UTY: variants seen among roughly 807,000 people sequenced by gnomAD.
The protein encoded by UTY is ubiquitously transcribed tetratricopeptide repeat containing, Y-linked, also known as histone demethylase UTY.
In UTY, 12 loss-of-function variants were observed where a neutral mutation model predicts 32.5. The ratio of observed to expected loss-of-function variants is 0.37; its 90% CI spans 0.24 to 0.60. The LOEUF is 0.60. Ranked by LOEUF, UTY falls within the 20% of genes least tolerant of loss-of-function variation. UTY has a pLI of 0.69. For synonymous variants in UTY, 131 were observed against 103.4 expected (o/e 1.27, Z -1.62); for missense variants, 303 against 299.2 (o/e 1.01, Z -0.09).
At chrY:13,454,302 T>C in intron 3 of UTY, among the ~76,000 whole-genome samples, 2 of 32,180 alleles carry the variant, frequency 6.2e-5, no homozygotes, top group African/African-American at 1.2e-4. Context: ...CTAATTTTCA[T>C]AGCATATTCC....
At chrY:13,304,236 T>C in intron 24 of UTY, 1 of 102,028 alleles carries the variant, frequency 9.8e-6, no homozygotes, top group African/African-American at 1.0e-4. Context: ...ATTTTTTGAA[T>C]TGCAAATAGT....
At chrY:13,308,999 T>C (rs956873702) in intron 21 of UTY, among the ~76,000 whole-genome samples, 6 of 33,199 alleles carry the variant, frequency 1.8e-4, no homozygotes. Context: ...TCTACAGATA[T>C]AAGCAGGCAG....
At chrY:13,305,958 A>G in intron 23 of UTY, 80 bp downstream of exon 23, 1 of 275,439 alleles carries the variant, frequency 3.6e-6, no homozygotes, top group Non-Finnish European at 5.5e-6. Context: ...GAAAAAAAAC[A>G]GTTCTCTAGA....
chrY:13,241,064 G>A, intron 28 of UTY, among the ~76,000 whole-genome samples: 1 of 32,123 alleles, frequency 3.1e-5, no homozygotes, highest in South Asian at 7.0e-4. Context: ...ACTTTGGGAA[G>A]CTGAAGTGAG....
intron 8 of UTY, among the ~76,000 whole-genome samples, chrY:13,373,472 A>G: frequency 3.0e-5 from 1 of 33,563 alleles, no homozygotes; most frequent in Non-Finnish European, 7.4e-5. Context: ...ACTTAATGCT[A>G]CTAAAATGGC....
At chrY:13,362,209 G>A in intron 10 of UTY, among the ~76,000 whole-genome samples, 1 of 33,448 alleles carries the variant, frequency 3.0e-5, no homozygotes. Context: ...ACATGTCTAG[G>A]CTCCTCTGTG....
At chrY:13,365,397 G>GC in intron 10 of UTY, among the ~76,000 whole-genome samples, 1 of 19,839 alleles carries the variant, frequency 5.0e-5, no homozygotes, top group Non-Finnish European at 1.1e-4. Flanking sequence ...GGGCAACAGA[G>GC]CAAGACTGTG....
chrY:13,242,866 ACTAT>A (rs2053917832), intron 28 of UTY, among the ~76,000 whole-genome samples: 1 of 33,556 alleles, frequency 3.0e-5, no homozygotes, highest in African/African-American at 1.2e-4. Context: ...GAAAAAGGAC[ACTAT>A]CTTTAGTAAA....
intron 21 of UTY, among the ~76,000 whole-genome samples, chrY:13,307,001 T>A: frequency 3.0e-5 from 1 of 33,804 alleles, no homozygotes; most frequent in South Asian, 6.4e-4. Flanking sequence ...TAACTACTAA[T>A]GTTAATTATA....
At chrY:13,459,664 T>C in intron 3 of UTY, among the ~76,000 whole-genome samples, 8 of 33,426 alleles carry the variant, frequency 2.4e-4, no homozygotes, top group Non-Finnish European at 5.9e-4. Flanking sequence ...GATTTCTTTA[T>C]ACTACACCAT....
chrY:13,374,106 A>AT (rs2065180964), intron 8 of UTY, among the ~76,000 whole-genome samples: 7 of 33,174 alleles, frequency 2.1e-4, no homozygotes, highest in Admixed American at 1.7e-3. Context: ...TTGAGAGCTC[A>AT]TTGCAACCTC....
intron 4 of UTY, among the ~76,000 whole-genome samples, chrY:13,439,046 C>T: frequency 3.1e-5 from 1 of 32,776 alleles, no homozygotes; most frequent in African/African-American, 1.2e-4. Context: ...AAGGAGATCC[C>T]GCAACTCTTA....
At chrY:13,378,841 C>T in intron 8 of UTY, among the ~76,000 whole-genome samples, 1 of 32,433 alleles carries the variant, frequency 3.1e-5, no homozygotes, top group South Asian at 6.9e-4. Flanking sequence ...ACTACAGGTG[C>T]GTGCCAGCAG....
At chrY:13,427,673 C>T in intron 4 of UTY, among the ~76,000 whole-genome samples, 1 of 33,126 alleles carries the variant, frequency 3.0e-5, no homozygotes. Context: ...GCACCCCAAA[C>T]TGGAGCACTC....
In UTY at chrY:13,361,005, T is replaced by C; in HGVS notation, c.867-477A>G. Among the ~76,000 whole-genome samples the C allele has an allele frequency of 1.2e-4, 4 of 33,798 alleles. No individual in the cohort carries two copies. The East Asian group carries it at 3.0e-3, about 26-fold the overall frequency. 90.7% of individuals were successfully genotyped at this position (33,798 alleles called of 37,273 possible). ...TGATTTGTTTAAAAAAGTAAATCTA[T>C]TGTAAAAATGATCAACATGTAATTC... On this transcript the variant is annotated intron_variant, in intron 10 of 29. Transcript: ENST00000545955.
At chrY:13,320,222 A>C (rs779261450) in intron 21 of UTY, among the ~76,000 whole-genome samples, 1 of 33,189 alleles carries the variant, frequency 3.0e-5, no homozygotes, top group South Asian at 6.6e-4. Context: ...TGTTATGTGT[A>C]AATGTACATT....
intron 28 of UTY, among the ~76,000 whole-genome samples, chrY:13,259,202 T>C: frequency 2.9e-5 from 1 of 34,475 alleles, no homozygotes; most frequent in African/African-American, 1.1e-4. Context: ...AATGACTGGC[T>C]TGCTGTTAAT....
chrY:13,417,483 A>G (rs2071835331), intron 4 of UTY, among the ~76,000 whole-genome samples: 1 of 33,685 alleles, frequency 3.0e-5, no homozygotes, highest in African/African-American at 1.2e-4. Context: ...GGTTATCTGT[A>G]GGACTTTTCT....
chrY:13,324,521 A>G, intron 20 of UTY, 80 bp downstream of exon 20: 2 of 261,197 alleles, frequency 7.7e-6, no homozygotes, highest in Non-Finnish European at 1.2e-5. Flanking sequence ...ATGTTGGGGG[A>G]AAAAATCAGT....
Sources: allele counts gnomAD v4.1 joint callset (sites outside exome capture counted in the v4.1 genomes callset), GRCh38; gene constraint gnomAD v4.1.1; transcripts MANE v1.5; gene names NCBI Gene and HGNC (gene_info 2026-07-23, HGNC 2026-07-21).